NUP88: variants seen among roughly 807,000 people sequenced by gnomAD.
NUP88 encodes the protein nuclear pore complex protein Nup88.
A neutral mutation model predicts 93.9 loss-of-function variants in NUP88; 57 were observed. That is an observed-to-expected ratio of 0.61 (90% CI 0.49 to 0.76). The LOEUF is 0.76. Among genes scored for constraint, NUP88 ranks in the 30% least tolerant of loss-of-function variants. The probability of loss-of-function intolerance (pLI) is 0.00; values close to 1 mark genes in which losing one functional copy is unlikely to be tolerated. For missense variants in NUP88, 911 were observed against 901.0 expected, an observed-to-expected ratio of 1.01 and a Z score of -0.14; for synonymous variants, 346 against 336.8, an observed-to-expected ratio of 1.03 and a Z score of -0.30.
At chr17:5,414,223 T>C in intron 2 of NUP88, 89 bp from the exon 3 acceptor site, 1 of 1,171,976 alleles carries the variant, frequency 8.5e-7, no homozygotes, top group Middle Eastern at 2.5e-4. Context: ...CAGATGGAGT[T>C]TCTCTCTTGT....
rs566001829 is a variant in NUP88 at position 5,399,706 on chromosome 17, T to G, written c.1193-56A>C. The G allele has an allele frequency of 1.1e-4, 106 of 933,538 alleles. No individual in the cohort carries two copies. The East Asian group carries it at 2.8e-3, about 25-fold the overall frequency. 57.8% of individuals were successfully genotyped at this position (933,538 alleles called of 1,614,324 possible). A position where few individuals can be genotyped will look rare whatever the true frequency, so the allele number is the denominator to read the frequency against. On this transcript the variant is annotated intron_variant, in intron 7 of 16. Coordinates refer to ENST00000573584, the MANE Select transcript of NUP88 (RefSeq NM_002532.6). ...TAGCCAGTGGATAACTAAAAAAATT[T>G]ACCTCAAATTTGTTGGCTACTCCAC...
Position 5,416,161 on chromosome 17 carries a change from AAAAAAG to A in NUP88, c.467+346_467+351del, listed in dbSNP as rs1567578714. Among the ~76,000 whole-genome samples the A allele has an allele frequency of 2.4e-3, 294 of 123,336 alleles. 4 individuals are homozygous for A. Among genetic ancestry groups the A allele is most frequent in the Admixed American group, 0.021 (254 of 12,050 alleles). The allele number at this position is 123,336 out of a possible 152,430, so 80.9% of individuals were successfully genotyped here. A position where few individuals can be genotyped will look rare whatever the true frequency, so the allele number is the denominator to read the frequency against. ...CTCCATCTCAAAAAAAAAAAAAAAA[AAAAAAG>A]TATATATATATATACACACATACAC... On this transcript the variant is annotated intron_variant, in intron 2 of 16. Coordinates refer to ENST00000573584, the MANE Select transcript of NUP88 (RefSeq NM_002532.6).
In NUP88 at chr17:5,409,048, A is replaced by C. The variant is rs191157079; in HGVS notation, c.681-139T>G. ...GGAATTTGTAGGCAATGGACTGAAA[A>C]GACAAAAAATGATTATGAAGAATGT... On this transcript the variant is annotated intron_variant, in intron 4 of 16. Coordinates refer to ENST00000573584, the MANE Select transcript of NUP88 (RefSeq NM_002532.6). 3.4e-3 allele frequency: 2,250 copies of C among 662,360 alleles called. 21 individuals carry two copies. Among genetic ancestry groups the C allele is most frequent in the South Asian group, 0.013 (615 of 46,190 alleles). The allele number at this position is 662,360 out of a possible 1,614,324, so 41.0% of individuals were successfully genotyped here. A position where few individuals can be genotyped will look rare whatever the true frequency, so the allele number is the denominator to read the frequency against.
intron 2 of NUP88, among the ~76,000 whole-genome samples, chr17:5,416,180 T>TATATATATATATATATATATATAC (rs1374990658): frequency 9.3e-6 from 1 of 107,336 alleles, no homozygotes; most frequent in African/African-American, 3.6e-5. Context: ...TATATATATA[T>TATATATATATATATATATATATAC]ACACACATAC....
rs1567581714 is a variant in NUP88 at position 5,419,568 on chromosome 17, C to G, written c.83G>C (p.Arg28Pro). The G allele has an allele frequency of 6.2e-7, 1 of 1,610,706 alleles. No homozygotes were observed. The highest frequency in any genetic ancestry group is 1.3e-5 in the African/African-American group (1 of 74,898). The change falls in exon 1 of 17, where the codon CGG becomes CCG. Residue 28 changes from arginine (R) to proline (P), a missense_variant. Physicochemically the swap from Arg to Pro is moderately radical, Grantham distance 103. Coordinates refer to ENST00000573584, the MANE Select transcript of NUP88 (RefSeq NM_002532.6). Reference sequence around the variant, plus strand: ...TGGACTCTGGTTTTTCAGTCCCTCCCGGAGCCGCAAGAACACGACGTGGTT... The same window carrying G: ...TGGACTCTGGTTTTTCAGTCCCTCCGGGAGCCGCAAGAACACGACGTGGTT... ...LPNHVVFLRL[R>P]EGLKNQSPTE...
At chr17:5,405,825 T>G (rs1913458685) in intron 5 of NUP88, among the ~76,000 whole-genome samples, 1 of 152,220 alleles carries the variant, frequency 6.6e-6, no homozygotes, top group South Asian at 2.1e-4. Flanking sequence ...TAAACACAAT[T>G]TTCTAACGTC....
intron 2 of NUP88, among the ~76,000 whole-genome samples, chr17:5,414,568 G>A (rs575923248): frequency 3.3e-4 from 50 of 152,294 alleles, no homozygotes; most frequent in African/African-American, 1.0e-3. Flanking sequence ...CATGCTGAGA[G>A]GACATTCAAG....
chr17:5,405,358 G>C, intron 5 of NUP88, 115 bp from the exon 6 acceptor site: 1 of 799,570 alleles, frequency 1.3e-6, no homozygotes, highest in Non-Finnish European at 2.0e-6. Context: ...TATAAATGTA[G>C]TGTATTCCCA....
At chr17:5,397,245 CAGG>C (rs1479016118) in intron 8 of NUP88, among the ~76,000 whole-genome samples, 2 of 152,174 alleles carry the variant, frequency 1.3e-5, no homozygotes, top group Non-Finnish European at 2.9e-5. Context: ...GGGGCTGAGG[CAGG>C]AGCACTGCTT....
chr17:5,398,981 C>T (rs892357881), intron 8 of NUP88, among the ~76,000 whole-genome samples: 27 of 151,624 alleles, frequency 1.8e-4, no homozygotes, highest in African/African-American at 6.3e-4. Flanking sequence ...CTCCGCCTCC[C>T]AGGTTCACAC....
intron 7 of NUP88, 87 bp from the exon 8 acceptor site, chr17:5,399,737 C>A: frequency 1.6e-6 from 1 of 610,262 alleles, no homozygotes; most frequent in South Asian, 2.2e-5. Context: ...TCCACATTAG[C>A]CTACAAACGC....
chr17:5,393,064 T>C (rs1429567360), intron 9 of NUP88, among the ~76,000 whole-genome samples: 1 of 151,866 alleles, frequency 6.6e-6, no homozygotes, highest in Non-Finnish European at 1.5e-5. Flanking sequence ...ACGATTCTCC[T>C]GCCTCAGCCT....
intron 1 of NUP88, chr17:5,418,038 G>C (rs531321096): frequency 6.7e-6 from 1 of 149,860 alleles, no homozygotes; most frequent in Non-Finnish European, 1.5e-5. Context: ...TACTCGCGGG[G>C]GGGGCTGAGG....
chr17:5,417,118 A>G (rs12601818), intron 1 of NUP88, among the ~76,000 whole-genome samples: 66,429 of 152,036 alleles, frequency 0.44, 15,290 homozygotes, highest in East Asian at 0.84. Context: ...TATAGGCTAC[A>G]GCTACCACAC....
At chr17:5,414,240 G>A (rs1914008594) in intron 2 of NUP88, 106 bp from the exon 3 acceptor site, 2 of 970,662 alleles carry the variant, frequency 2.1e-6, no homozygotes, top group Admixed American at 2.1e-5. Flanking sequence ...TTGTTGCCCA[G>A]GCTGGAGTGT....
intron 8 of NUP88, among the ~76,000 whole-genome samples, chr17:5,396,352 T>C (rs139452393): frequency 6.6e-6 from 1 of 152,368 alleles, no homozygotes; most frequent in Non-Finnish European, 1.5e-5. Context: ...TCTGTCTCTG[T>C]ACATTTGTCT....
At chr17:5,404,569 A>G (rs1318011142) in intron 6 of NUP88, among the ~76,000 whole-genome samples, 1 of 151,772 alleles carries the variant, frequency 6.6e-6, no homozygotes, top group East Asian at 1.9e-4. Context: ...AGCCGAGATC[A>G]CACCATTGCA....
chr17:5,399,462 A>G, intron 8 of NUP88, 90 bp downstream of exon 8: 1 of 656,712 alleles, frequency 1.5e-6, no homozygotes, highest in Non-Finnish European at 2.6e-6. Context: ...TTTCTCTATC[A>G]TTTTTCTATT....
chr17:5,408,577 CT>C (rs1259297818), intron 5 of NUP88, among the ~76,000 whole-genome samples, 155 bp downstream of exon 5: 1 of 152,208 alleles, frequency 6.6e-6, no homozygotes, highest in Non-Finnish European at 1.5e-5. Flanking sequence ...GCCAAATGAC[CT>C]GTACTAACTC....
Sources: gnomAD v4.1 joint callset for allele counts (sites outside exome capture counted in the v4.1 genomes callset) on GRCh38, gnomAD v4.1.1 for gene constraint, MANE v1.5 for transcripts, NCBI Gene and HGNC (gene_info 2026-07-23, HGNC 2026-07-21) for gene names.